The following PXDNL variants were observed in gnomAD, a reference collection of about 807,000 sequenced individuals.
PXDNL encodes the protein probable oxidoreductase PXDNL.
Under a neutral mutation model 150.8 loss-of-function variants are expected in PXDNL, and 145 were observed. The ratio of observed to expected loss-of-function variants is 0.96; its 90% CI spans 0.84 to 1.10. The LOEUF (loss-of-function observed/expected upper bound fraction) is 1.10. Ranked by LOEUF, PXDNL falls within the 50% of genes least tolerant of loss-of-function variation. The pLI, the probability that PXDNL is intolerant of heterozygous loss-of-function variation, is 0.00. For missense variants in PXDNL, 2,087 were observed against 1,873.9 expected (o/e 1.11, Z -2.10); for synonymous variants, 757 against 725.7 (o/e 1.04, Z -0.69).
intron 2 of PXDNL, among the ~76,000 whole-genome samples, chr8:51,644,756 T>C (rs1375240381): frequency 1.3e-5 from 2 of 151,802 alleles, no homozygotes; most frequent in African/African-American, 4.8e-5. Flanking sequence ...CGCGCCGGGA[T>C]GATATTTATA....
chr8:51,560,176 A>G (rs868308902), intron 3 of PXDNL, among the ~76,000 whole-genome samples: 2 of 152,032 alleles, frequency 1.3e-5, no homozygotes, highest in Non-Finnish European at 2.9e-5. Context: ...ATGTGAATGA[A>G]TTGAAAGATT....
chr8:51,591,904 C>T (rs1487341415), intron 3 of PXDNL, among the ~76,000 whole-genome samples: 1 of 152,224 alleles, frequency 6.6e-6, no homozygotes, highest in African/African-American at 2.4e-5. Context: ...CAGGCGTGAG[C>T]CACCGTGCCC....
intron 1 of PXDNL, among the ~76,000 whole-genome samples, chr8:51,731,731 C>T (rs976939779): frequency 6.6e-6 from 1 of 152,210 alleles, no homozygotes; most frequent in Non-Finnish European, 1.5e-5. Flanking sequence ...CAATTCTTAA[C>T]TTCTGTGGAC....
chr8:51,562,794 G>A (rs1812744247), intron 3 of PXDNL, among the ~76,000 whole-genome samples: 1 of 151,952 alleles, frequency 6.6e-6, no homozygotes, highest in Non-Finnish European at 1.5e-5. Flanking sequence ...CCATAGAGGT[G>A]CTGAGATGGC....
chr8:51,787,163 C>A (rs933668257), intron 1 of PXDNL, among the ~76,000 whole-genome samples: 6 of 152,116 alleles, frequency 3.9e-5, no homozygotes, highest in Middle Eastern at 7.0e-3. Flanking sequence ...CCTGGTCACC[C>A]AAGAGCTCTG....
intron 1 of PXDNL, among the ~76,000 whole-genome samples, chr8:51,722,537 G>T (rs942404599): frequency 6.6e-6 from 1 of 152,192 alleles, no homozygotes; most frequent in African/African-American, 2.4e-5. Context: ...CAGACTCAGG[G>T]ATGAATGCAG....
At chr8:51,690,855 C>A (rs551456320) in intron 1 of PXDNL, among the ~76,000 whole-genome samples, 1 of 151,944 alleles carries the variant, frequency 6.6e-6, no homozygotes, top group Admixed American at 6.6e-5. Flanking sequence ...TTTTAATGAT[C>A]GCCATTCTAA....
At chr8:51,354,759 T>C (rs1260581594) in intron 19 of PXDNL, among the ~76,000 whole-genome samples, 1 of 152,106 alleles carries the variant, frequency 6.6e-6, no homozygotes, top group Non-Finnish European at 1.5e-5. Flanking sequence ...TTTTCTTTCT[T>C]ATGTGATAGA....
intron 1 of PXDNL, among the ~76,000 whole-genome samples, chr8:51,774,937 T>C (rs1348449254): frequency 1.3e-5 from 2 of 152,242 alleles, no homozygotes; most frequent in Non-Finnish European, 2.9e-5. Flanking sequence ...CTCAGATACA[T>C]GATACATTTT....
intron 17 of PXDNL, among the ~76,000 whole-genome samples, chr8:51,387,695 T>TC (rs755121580): frequency 2.0e-5 from 3 of 152,224 alleles, no homozygotes; most frequent in Non-Finnish European, 4.4e-5. Context: ...ACATGAATAT[T>TC]ACGGTAAAAA....
At position 51,453,733 on chromosome 8, in the gene PXDNL, G is replaced by A. The variant is rs745656739; in HGVS notation, c.1035C>T (p.Thr345=). ...TGGCCATACATTCCAAAGTTGTGCT[G>A]GTGCCAATTAAAACCTCTGTGTCCT... is the stretch of plus-strand genomic sequence containing the variant. ...QPQDTEVLIG[T]STTLECMATG... The change falls in exon 10 of 23, where the codon ACC becomes ACT. Residue 345 remains threonine, a synonymous_variant. Coordinates refer to ENST00000356297, the MANE Select transcript of PXDNL (RefSeq NM_144651.5). The A allele has an allele frequency of 1.9e-6, 3 of 1,613,996 alleles. No homozygotes were observed. The East Asian group carries it at 6.7e-5, about 36-fold the overall frequency.
intron 5 of PXDNL, among the ~76,000 whole-genome samples, chr8:51,495,445 G>A (rs199533556): frequency 2.6e-5 from 4 of 152,028 alleles, no homozygotes; most frequent in African/African-American, 9.7e-5. Context: ...CAGAATTGAA[G>A]GAAATAGAGA....
At chr8:51,794,101 G>A (rs2037539157) in intron 1 of PXDNL, among the ~76,000 whole-genome samples, 1 of 151,882 alleles carries the variant, frequency 6.6e-6, no homozygotes, top group Non-Finnish European at 1.5e-5. Flanking sequence ...AAGCAAGACA[G>A]GCAGACAAGA....
intron 14 of PXDNL, among the ~76,000 whole-genome samples, chr8:51,414,573 C>A (rs1410904587): frequency 1.3e-5 from 2 of 151,534 alleles, no homozygotes; most frequent in South Asian, 4.2e-4. Context: ...CTCTAAATGG[C>A]CAATGTTGCC....
intron 1 of PXDNL, among the ~76,000 whole-genome samples, chr8:51,698,562 C>G (rs1165274256): frequency 6.6e-6 from 1 of 152,180 alleles, no homozygotes; most frequent in Non-Finnish European, 1.5e-5. Context: ...TCTTGAAGCC[C>G]TCAAAGTCAT....
chr8:51,536,571 G>C (rs781419667), intron 4 of PXDNL, among the ~76,000 whole-genome samples: 20 of 151,954 alleles, frequency 1.3e-4, no homozygotes, highest in African/African-American at 4.6e-4. Flanking sequence ...GAACAGGCAC[G>C]ACAGTGCCCA....
At chr8:51,492,068 G>A (rs1228523462) in intron 5 of PXDNL, among the ~76,000 whole-genome samples, 2 of 152,212 alleles carry the variant, frequency 1.3e-5, no homozygotes, top group African/African-American at 2.4e-5. Context: ...ATAGGCAAAT[G>A]AGGTTGCAGT....
chr8:51,406,067 T>G (rs1808427581), intron 17 of PXDNL, among the ~76,000 whole-genome samples: 1 of 152,214 alleles, frequency 6.6e-6, no homozygotes, highest in Non-Finnish European at 1.5e-5. Context: ...GGATGGACAG[T>G]GGCCGACAGT....
At chr8:51,773,689 T>C (rs891604978) in intron 1 of PXDNL, among the ~76,000 whole-genome samples, 2 of 152,270 alleles carry the variant, frequency 1.3e-5, no homozygotes, top group Non-Finnish European at 2.9e-5. Flanking sequence ...AGTTTTACAA[T>C]GCTAGTTACT....
Sources: gnomAD v4.1 joint callset for allele counts (sites outside exome capture counted in the v4.1 genomes callset) on GRCh38, gnomAD v4.1.1 for gene constraint, MANE v1.5 for transcripts, NCBI Gene and HGNC (gene_info 2026-07-23, HGNC 2026-07-21) for gene names.